The following HECTD4 variants were observed in gnomAD, a reference collection of about 807,000 sequenced individuals.
The protein encoded by HECTD4 is HECT domain E3 ubiquitin protein ligase 4, also known as probable E3 ubiquitin-protein ligase HECTD4.
HECTD4 carries 114 observed loss-of-function variants against 471.5 expected under a neutral mutation model. The ratio of observed to expected loss-of-function variants is 0.24; its 90% CI spans 0.21 to 0.28. HECTD4 has a LOEUF of 0.28. Among genes scored for constraint, HECTD4 ranks in the 10% least tolerant of loss-of-function variants. The pLI, the probability that HECTD4 is intolerant of heterozygous loss-of-function variation, is 1.00. For missense variants in HECTD4, 3,866 were observed against 5,651.5 expected (o/e 0.68, Z 10.13); for synonymous variants, 2,012 against 2,256.0 (o/e 0.89, Z 3.07).
chr12:112,336,843 T>A (rs1419347193), intron 1 of HECTD4, among the ~76,000 whole-genome samples: 3 of 152,332 alleles, frequency 2.0e-5, no homozygotes, highest in Admixed American at 2.0e-4. Context: ...ATTCACCTAC[T>A]CTTACGTATT....
chr12:112,364,019 C>CAAAAAAAAAAAAAAAAAAAAAAAAAA (rs2036509702), intron 1 of HECTD4, among the ~76,000 whole-genome samples: 1 of 118,558 alleles, frequency 8.4e-6, no homozygotes. Flanking sequence ...AAAAAAAAAT[C>CAAAAAAAAAAAAAAAAAAAAAAAAAA]AAAGGTCGTG....
intron 67 of HECTD4, 25 bp from the exon 68 acceptor site, chr12:112,171,288 T>G: frequency 6.3e-7 from 1 of 1,583,096 alleles, no homozygotes; most frequent in South Asian, 1.1e-5. Context: ...GCAGTCAGGC[T>G]GAGATCTCGG....
At chr12:112,320,259 C>T (rs1011156925) in intron 1 of HECTD4, among the ~76,000 whole-genome samples, 2 of 151,774 alleles carry the variant, frequency 1.3e-5, no homozygotes, top group South Asian at 2.1e-4. Flanking sequence ...TGCTAAAGCC[C>T]GGGAAGTAGA....
intron 28 of HECTD4, 150 bp downstream of exon 28, chr12:112,247,312 A>C (rs1019349032): frequency 1.5e-6 from 1 of 667,426 alleles, no homozygotes; most frequent in Non-Finnish European, 2.4e-6. Flanking sequence ...GGCTAAAACC[A>C]AAATTTCCAA....
Position 112,265,899 on chromosome 12 carries a change from C to G in HECTD4, c.2477G>C (p.Ser826Thr). The change falls in exon 15 of 76, where the codon AGT (serine) becomes ACT (threonine). Residue 826 changes from serine to threonine, a missense_variant. Physicochemically the swap from Ser to Thr is moderately conservative, Grantham distance 58. Around this residue, in one of 16 missense-constraint regions of HECTD4, gnomAD observed 525 missense variants for 672.6 expected, o/e 0.78. Transcript: ENST00000682272. The part of the protein sequence containing the change: ...AEQLQNNRFG[S>T]DEDDHYRLND... ...TCACCTGTAATGATCATCCTCATCA[C>G]TGCCAAATCGGTTGTTTTGGAGCTG... 2 of 1,613,694 alleles carry G rather than the reference C, an allele frequency of 1.2e-6. No individual in the cohort carries two copies. Among genetic ancestry groups the G allele is most frequent in the Non-Finnish European group, 1.7e-6 (2 of 1,179,638 alleles).
In HECTD4 at chr12:112,259,151, C is replaced by G. The variant is rs2135598140; in HGVS notation, c.2988G>C (p.Leu996=). 6.2e-7 allele frequency: 1 copy of G among 1,613,730 alleles called. No individual in the cohort carries two copies. The highest frequency in any genetic ancestry group is 8.5e-7 in the Non-Finnish European group (1 of 1,179,818). The stretch of plus-strand genomic sequence containing the variant: ...GTACCAGCTGCACTAGCTGAGGCAT[C>G]AGGGCATCCGCCATGATCAGAGTCT... ...NLQTLIMADA[L]MPQLVQLVLY... is the part of the protein sequence containing the mutation. Residue 996 remains leucine (L), a synonymous_variant, in exon 19 of 76, where the codon CTG becomes CTC. Transcript: ENST00000682272.
chr12:112,293,491 G>A (rs1334400848), intron 7 of HECTD4, among the ~76,000 whole-genome samples: 2 of 152,060 alleles, frequency 1.3e-5, no homozygotes, highest in African/African-American at 2.4e-5. Context: ...GCAGTGAGCC[G>A]AGATCGTGCC....
At position 112,181,961 on chromosome 12, in the gene HECTD4, G is replaced by A. The variant is rs11066191; in HGVS notation, c.10987+1098C>T. ...ACAAAAATTAGCTGGGTATGGCGGC[G>A]TGCACCTGTAATCCCAGCTACTGGG... On this transcript the variant is annotated intron_variant, in intron 62 of 75. Transcript: ENST00000682272. 0.055 allele frequency among the ~76,000 whole-genome samples: 8,429 copies of A among 152,074 alleles called. 1,288 individuals carry two copies. The East Asian group carries it at 0.61, about 11-fold the overall frequency.
chr12:112,168,574 C>T (rs572287842), intron 70 of HECTD4, among the ~76,000 whole-genome samples: 24 of 152,298 alleles, frequency 1.6e-4, no homozygotes, highest in South Asian at 1.5e-3. Flanking sequence ...TGGTAAGAGC[C>T]ATGTGGAAAC....
rs2033877308 is a variant in HECTD4 at position 112,251,235 on chromosome 12, A to C, written c.3553-101T>G. 5.8e-5 allele frequency: 67 copies of C among 1,152,714 alleles called. 2 individuals are homozygous for C. The South Asian group carries it at 1.0e-3, about 18-fold the overall frequency. 71.4% of individuals were successfully genotyped at this position (1,152,714 alleles called of 1,614,324 possible). On this transcript the variant is annotated intron_variant, in intron 23 of 75. Coordinates refer to ENST00000682272, the MANE Select transcript of HECTD4 (RefSeq NM_001388303.1). Reference sequence around the variant, plus strand: ...GCACTGTCCCCAACCACAGGGTTCTACAGAGCAGCATCGAGTATCACTGCT... The same window carrying C: ...GCACTGTCCCCAACCACAGGGTTCTCCAGAGCAGCATCGAGTATCACTGCT...
chr12:112,231,532 T>C lies in HECTD4; in HGVS notation c.6181A>G (p.Arg2061Gly). The C allele has an allele frequency of 6.2e-7, 1 of 1,614,032 alleles. No individual in the cohort carries two copies. Among genetic ancestry groups the C allele is most frequent in the Non-Finnish European group, 8.5e-7 (1 of 1,179,876 alleles). Residue 2061 changes from arginine to glycine, a missense_variant, in exon 39 of 76, where the codon AGG becomes GGG. By Grantham distance (125) the Arg-to-Gly change is moderately radical (BLOSUM62 -2). This residue lies in a region of HECTD4 where 617 missense variants were observed against 915.1 expected (regional missense o/e 0.67). Coordinates refer to ENST00000682272, the MANE Select transcript of HECTD4 (RefSeq NM_001388303.1). ...KTAQTSICRE[R>G]NSELARTDPV... ...GTTTACCTTGCAAGCTCCGAGTTCC[T>C]CTCTCGGCAAATGGAAGTTTGGGCA...
chr12:112,184,932 C>T lies in HECTD4; in HGVS notation c.10034G>A (p.Gly3345Asp). Residue 3345 changes from glycine (G) to aspartate (D), a missense_variant, in exon 61 of 76, where the codon GGC (glycine) becomes GAC (aspartate). Around this residue, in one of 16 missense-constraint regions of HECTD4, gnomAD observed 57 missense variants for 49.8 expected, o/e 1.14. Transcript: ENST00000682272. This position sits in a 1 kb window ranked among gnomAD's most constrained non-coding sequence, Gnocchi z 9.1. ...DSDPTVLSIG[G>D]SKPEDMLWFH... ...CCACAGCATGTCCTCGGGCTTGCTG[C>T]CTCCGATGCTGAGCACGGTGGGGTC... 1 of 1,613,812 alleles carries T rather than the reference C, an allele frequency of 6.2e-7. No homozygotes were observed. The highest frequency in any genetic ancestry group is 2.2e-5 in the East Asian group (1 of 44,878).
chr12:112,375,209 T>C (rs1297846990), intron 1 of HECTD4, among the ~76,000 whole-genome samples: 1 of 152,232 alleles, frequency 6.6e-6, no homozygotes, highest in East Asian at 1.9e-4. Context: ...TAAATCCATG[T>C]TGTGAGTACC....
At chr12:112,367,444 TCATGGATCC>T (rs1471779808) in intron 1 of HECTD4, among the ~76,000 whole-genome samples, 1 of 152,156 alleles carries the variant, frequency 6.6e-6, no homozygotes, top group African/African-American at 2.4e-5. Flanking sequence ...TGAATTCTAT[TCATGGATCC>T]CATGCATCTC....
At chr12:112,347,289 C>T (rs1359201974) in intron 1 of HECTD4, among the ~76,000 whole-genome samples, 1 of 152,048 alleles carries the variant, frequency 6.6e-6, no homozygotes, top group Non-Finnish European at 1.5e-5. Flanking sequence ...GTGGGTGGAT[C>T]ACTTGAGGCC....
chr12:112,219,503 A>G lies in HECTD4; in HGVS notation c.6971-14T>C, dbSNP rs757372019. The G allele has an allele frequency of 6.3e-6, 10 of 1,594,212 alleles. No homozygotes were observed. The Admixed American group carries it at 1.4e-4, about 22-fold the overall frequency. ...CAAGTCGCTCTCCTGTAGAGGGCAC[A>G]TGTTGAATCTGTGAAAACAACTCCC... On this transcript the variant is annotated splice_polypyrimidine_tract_variant and intron_variant, in intron 44 of 75. Coordinates refer to ENST00000682272, the MANE Select transcript of HECTD4 (RefSeq NM_001388303.1).
rs527924310 is a variant in HECTD4 at position 112,188,413 on chromosome 12, G to C, written c.9472+2373C>G. 5.3e-5 allele frequency among the ~76,000 whole-genome samples: 8 copies of C among 152,324 alleles called. No individual in the cohort carries two copies. In the South Asian group the frequency reaches 8.3e-4, roughly 16 times the overall value. On this transcript the variant is annotated intron_variant, in intron 60 of 75. Coordinates refer to ENST00000682272, the MANE Select transcript of HECTD4 (RefSeq NM_001388303.1). This position sits in a 1 kb window ranked among gnomAD's most constrained non-coding sequence, Gnocchi z 4.2. The stretch of plus-strand genomic sequence containing the variant: ...AAACACTGTCTAGAACCACAAGATG[G>C]ACCACACGTTTGTGCCAAGGTCTCC...
intron 1 of HECTD4, among the ~76,000 whole-genome samples, chr12:112,340,396 C>T (rs1217477577): frequency 6.6e-6 from 1 of 150,560 alleles, no homozygotes; most frequent in Non-Finnish European, 1.5e-5. Flanking sequence ...AGCTCTGCCT[C>T]TGGAAGGAGC....
chr12:112,337,147 T>C (rs1037380419), intron 1 of HECTD4, among the ~76,000 whole-genome samples: 1 of 152,196 alleles, frequency 6.6e-6, no homozygotes, highest in Non-Finnish European at 1.5e-5. Context: ...CTAATATTAA[T>C]TCAGTTTCCT....
Sources: gnomAD v4.1 joint callset for allele counts (sites outside exome capture counted in the v4.1 genomes callset) on GRCh38, gnomAD v4.1.1 for gene constraint, gnomAD v4.1.1 regional missense constraint, Gnocchi (gnomAD v3.1) non-coding constraint, MANE v1.5 for transcripts, NCBI Gene and HGNC (gene_info 2026-07-23, HGNC 2026-07-21) for gene names.